DUS3L: variants seen among roughly 807,000 people sequenced by gnomAD.
DUS3L encodes dihydrouridine synthase 3 like.
Under a neutral mutation model 74.6 loss-of-function variants are expected in DUS3L, and 62 were observed. The ratio of observed to expected loss-of-function variants is 0.83; its 90% CI spans 0.68 to 1.03. DUS3L has a LOEUF of 1.03. DUS3L is among the 50% of genes least tolerant of loss of function. The pLI is 0.00. For synonymous variants in DUS3L, 433 were observed against 395.7 expected (o/e 1.09, Z -1.12); for missense variants, 884 against 924.4 (o/e 0.96, Z 0.57).
chr19:5,785,570 G>A (rs754544877), intron 11 of DUS3L, 33 bp downstream of exon 11: 7 of 1,575,644 alleles, frequency 4.4e-6, no homozygotes, highest in Non-Finnish European at 6.0e-6. Flanking sequence ...CGCGGCCCAC[G>A]CGCCGCCCAC....
rs889951062 is a variant in DUS3L at position 5,788,257 on chromosome 19, C to T, written c.943-81G>A. On this transcript the variant is annotated intron_variant, in intron 4 of 12. Coordinates refer to ENST00000309061, the MANE Select transcript of DUS3L (RefSeq NM_020175.3). ...CACAGCAGAACCCTGAATATGCGCCCCAGCCCCACAATCCAGTAGGTGGGG... is the reference window on the plus strand; with the variant it reads ...CACAGCAGAACCCTGAATATGCGCCTCAGCCCCACAATCCAGTAGGTGGGG... The T allele has an allele frequency of 3.1e-6, 5 of 1,609,370 alleles. No homozygotes were observed. In the African/African-American group the frequency reaches 6.7e-5, roughly 21 times the overall value.
At position 5,788,154 on chromosome 19, in the gene DUS3L, C is replaced by T; in HGVS notation, c.965G>A (p.Arg322Gln). Residue 322 changes from arginine (R) to glutamine (Q), a missense_variant, in exon 5 of 13, where the codon CGG (arginine) becomes CAG (glutamine). Physicochemically the swap from Arg to Gln is conservative, Grantham distance 43. Transcript: ENST00000309061. ...LTTCGNLPFR[R>Q]ICKRFGADVT... is the part of the protein sequence containing the mutation. ...ATCCGCCCCGAAGCGCTTGCAGATC[C>T]GTCGGAAGGGCAGGTTCCCACACTG... is the stretch of plus-strand genomic sequence containing the variant. 1.2e-6 allele frequency: 2 copies of T among 1,613,536 alleles called. No individual in the cohort carries two copies. Among genetic ancestry groups the T allele is most frequent in the Non-Finnish European group, 8.5e-7 (1 of 1,180,032 alleles).
At chr19:5,785,989 G>T in intron 10 of DUS3L, 198 bp from the exon 11 acceptor site, 1 of 621,044 alleles carries the variant, frequency 1.6e-6, no homozygotes, top group Non-Finnish European at 2.7e-6. Context: ...TGGCTCTGTC[G>T]CCCAGGCTGG....
At chr19:5,787,905 C>T (rs1218830124) in intron 5 of DUS3L, 119 bp downstream of exon 5, 18 of 1,496,328 alleles carry the variant, frequency 1.2e-5, no homozygotes, top group Non-Finnish European at 1.6e-5. Flanking sequence ...GGGCATCACC[C>T]CCACTCCACA....
Position 5,789,617 on chromosome 19 carries a change from G to A in DUS3L, c.490C>T (p.Leu164Phe), listed in dbSNP as rs944857124. The change falls in exon 3 of 13, where the codon CTC (leucine) becomes TTC (phenylalanine). Residue 164 changes from leucine to phenylalanine, a missense_variant. By Grantham distance (22) the Leu-to-Phe change is conservative. Coordinates refer to ENST00000309061, the MANE Select transcript of DUS3L (RefSeq NM_020175.3). ...KPADLGPRCVLFETFGRCPYG... is the reference protein window; with the variant it reads ...KPADLGPRCVFFETFGRCPYG... ...GGGCACCGGCCGAAGGTCTCGAAGA[G>A]CACGCAGCGGGGGCCCAGGTCGGCC... 6.3e-7 allele frequency: 1 copy of A among 1,597,962 alleles called. No homozygotes were observed. The highest frequency in any genetic ancestry group is 1.3e-5 in the African/African-American group (1 of 74,796).
intron 1 of DUS3L, 64 bp downstream of exon 1, chr19:5,790,980 G>T: frequency 6.7e-7 from 1 of 1,489,592 alleles, no homozygotes; most frequent in Middle Eastern, 2.0e-4. Context: ...GGCATGCACA[G>T]CTCGGACCGC....
intron 2 of DUS3L, 148 bp downstream of exon 2, chr19:5,789,899 T>G (rs1318752615): frequency 7.6e-7 from 1 of 1,315,802 alleles, no homozygotes; most frequent in African/African-American, 1.5e-5. Flanking sequence ...CTACAATGTA[T>G]CCCGAGGAGA....
At chr19:5,788,890 A>G (rs2056881192) in intron 3 of DUS3L, among the ~76,000 whole-genome samples, 2 of 152,060 alleles carry the variant, frequency 1.3e-5, no homozygotes, top group Admixed American at 1.3e-4. Context: ...TATTTTTAGT[A>G]GAGATAGGGT....
Position 5,788,062 on chromosome 19 carries a change from G to A in DUS3L, c.1057C>T (p.Leu353Phe), listed in dbSNP as rs376136230. The change falls in exon 5 of 13, where the codon CTC becomes TTC. Residue 353 changes from leucine (L) to phenylalanine (F), a missense_variant. Physicochemically the swap from Leu to Phe is conservative, Grantham distance 22. Coordinates refer to ENST00000309061, the MANE Select transcript of DUS3L (RefSeq NM_020175.3). The part of the protein sequence containing the change: ...LQGQMSEWAL[L>F]KRHQCEDIFG... ...ATGTCCTCACACTGGTGGCGTTTGA[G>A]TAGGGCCCACTCGGACATCTGGCCC... The A allele has an allele frequency of 2.5e-6, 4 of 1,613,736 alleles. No homozygotes were observed. In the African/African-American group the frequency reaches 5.3e-5, roughly 21 times the overall value.
chr19:5,789,203 G>C lies in DUS3L; in HGVS notation c.900+4C>G, dbSNP rs780006204. ...CTGCTACTGACGTTGTCCTCAACAC[G>C]TACCCGCTTCTTCTCACAGGGCCGC... On this transcript the variant is annotated splice_donor_region_variant and intron_variant, in intron 3 of 12. Coordinates refer to ENST00000309061, the MANE Select transcript of DUS3L (RefSeq NM_020175.3). The C allele has an allele frequency of 2.0e-6, 3 of 1,527,532 alleles. No individual in the cohort carries two copies. Among genetic ancestry groups the C allele is most frequent in the Non-Finnish European group, 2.6e-6 (3 of 1,140,466 alleles). 94.6% of individuals were successfully genotyped at this position (1,527,532 alleles called of 1,614,324 possible).
At chr19:5,789,930 G>C in intron 2 of DUS3L, 117 bp downstream of exon 2, 2 of 1,421,598 alleles carry the variant, frequency 1.4e-6, no homozygotes. Flanking sequence ...AATGGCATCA[G>C]AGCAAGCTCA....
At chr19:5,786,928 G>A (rs1163399420) in intron 8 of DUS3L, 83 bp from the exon 9 acceptor site, 2 of 1,504,300 alleles carry the variant, frequency 1.3e-6, no homozygotes, top group Admixed American at 2.1e-5. Flanking sequence ...GGCTGAGAGA[G>A]ACAGAGAGAG....
At chr19:5,785,831 C>G (rs376161948) in intron 10 of DUS3L, 40 bp from the exon 11 acceptor site, 775 of 1,527,134 alleles carry the variant, frequency 5.1e-4, no homozygotes, top group Non-Finnish European at 5.9e-4. Flanking sequence ...AGCCACCAGC[C>G]TGCCTGGGAT....
intron 9 of DUS3L, 45 bp downstream of exon 9, chr19:5,786,704 C>T: frequency 6.3e-7 from 1 of 1,598,552 alleles, no homozygotes; most frequent in African/African-American, 1.3e-5. Flanking sequence ...GTGTGAGTGA[C>T]CAAGGGTGGT....
chr19:5,786,417 G>A, intron 10 of DUS3L, 50 bp downstream of exon 10: 1 of 1,579,896 alleles, frequency 6.3e-7, no homozygotes, highest in South Asian at 1.1e-5. Flanking sequence ...TGGGTTCAGG[G>A]CACTGCTGCT....
At position 5,787,432 on chromosome 19, in the gene DUS3L, G is replaced by A. The variant is rs570066212; in HGVS notation, c.1213-71C>T. 4.1e-3 allele frequency: 6,460 copies of A among 1,564,074 alleles called. 23 individuals carry two copies. Among genetic ancestry groups the A allele is most frequent in the Non-Finnish European group, 5.1e-3 (5,777 of 1,142,020 alleles). ...CCAAGACCCCTCACCCCTGCTGCCC[G>A]GAGGCCCCCACCAGGAGACGCCGAC... On this transcript the variant is annotated intron_variant, in intron 6 of 12. Coordinates refer to ENST00000309061, the MANE Select transcript of DUS3L (RefSeq NM_020175.3).
At chr19:5,789,978 T>A (rs191007926) in intron 2 of DUS3L, 69 bp downstream of exon 2, 20 of 1,587,410 alleles carry the variant, frequency 1.3e-5, no homozygotes, top group Non-Finnish European at 1.7e-5. Flanking sequence ...TTCTAACAAT[T>A]ACCCGCTGCC....
At chr19:5,785,817 G>A in intron 10 of DUS3L, 26 bp from the exon 11 acceptor site, 1 of 1,546,068 alleles carries the variant, frequency 6.5e-7, no homozygotes, top group South Asian at 1.2e-5. Flanking sequence ...CGATCAGTGG[G>A]CCCAGCCACC....
rs1204626036 is a variant in DUS3L at position 5,789,474 on chromosome 19, G to C, written c.633C>G (p.Asp211Glu). Residue 211 changes from aspartate (D) to glutamate (E), a missense_variant, in exon 3 of 13, where the codon GAC becomes GAG. Asp to Glu is a conservative substitution (Grantham distance 45). Transcript: ENST00000309061. ...TCCGCAGCTGCTGCTGCAGGGCTTTGTCCAGGCCGTTGCGGATGGACGGGG... is the reference window on the plus strand; with the variant it reads ...TCCGCAGCTGCTGCTGCAGGGCTTTCTCCAGGCCGTTGCGGATGGACGGGG... ...TQPPSIRNGLDKALQQQLRKR... is the reference protein window; with the variant it reads ...TQPPSIRNGLEKALQQQLRKR... 6.2e-7 allele frequency: 1 copy of C among 1,603,444 alleles called. No individual in the cohort carries two copies. The highest frequency in any genetic ancestry group is 8.5e-7 in the Non-Finnish European group (1 of 1,179,060).
Sources: gnomAD v4.1 joint callset for allele counts (sites outside exome capture counted in the v4.1 genomes callset) on GRCh38, gnomAD v4.1.1 for gene constraint, MANE v1.5 for transcripts, NCBI Gene and HGNC (gene_info 2026-07-23, HGNC 2026-07-21) for gene names.